The following SRFBP1 variants were observed in gnomAD, a reference collection of about 807,000 sequenced individuals.
SRFBP1 encodes serum response factor binding protein 1, also known as serum response factor-binding protein 1.
SRFBP1 carries 47 observed loss-of-function variants against 45.5 expected under a neutral mutation model. The observed-to-expected ratio is 1.03, with a 90% CI of 0.82 to 1.32. The LOEUF (loss-of-function observed/expected upper bound fraction) is 1.32, where lower values mean the gene tolerates loss of function less well. Ranked by LOEUF, SRFBP1 falls within the 40% of genes most tolerant of loss-of-function variation. The probability of loss-of-function intolerance (pLI) is 0.00; values close to 1 mark genes in which losing one functional copy is unlikely to be tolerated. For synonymous variants in SRFBP1, 203 were observed against 166.3 expected, an observed-to-expected ratio of 1.22 and a Z score of -1.70; for missense variants, 621 against 484.6, an observed-to-expected ratio of 1.28 and a Z score of -2.64.
intron 3 of SRFBP1, among the ~76,000 whole-genome samples, chr5:121,981,928 C>A (rs780736622): frequency 6.6e-6 from 1 of 151,780 alleles, no homozygotes; most frequent in African/African-American, 2.4e-5. Flanking sequence ...ACATAGTGAA[C>A]GCTGCTTGGC....
intron 2 of SRFBP1, among the ~76,000 whole-genome samples, chr5:122,040,262 G>A (rs1205688581): frequency 1.3e-5 from 2 of 152,014 alleles, no homozygotes; most frequent in African/African-American, 4.8e-5. Context: ...TGTGAATTGG[G>A]CCTATACTAT....
chr5:122,019,147 G>A, intron 4 of SRFBP1, 113 bp from the exon 5 acceptor site: 8 of 857,054 alleles, frequency 9.3e-6, no homozygotes, highest in Non-Finnish European at 1.3e-5. Flanking sequence ...ATATTAACTA[G>A]TTCTATTCTC....
chr5:121,966,821 C>G (rs1021465018), intron 1 of SRFBP1, among the ~76,000 whole-genome samples: 13 of 151,250 alleles, frequency 8.6e-5, no homozygotes, highest in African/African-American at 3.2e-4. Context: ...GCTCTGTCGC[C>G]CAGGCTGGAG....
intron 3 of SRFBP1, among the ~76,000 whole-genome samples, chr5:121,992,747 A>G (rs1204265513): frequency 6.6e-6 from 1 of 152,024 alleles, no homozygotes; most frequent in Non-Finnish European, 1.5e-5. Flanking sequence ...CATGTTTTCC[A>G]CTTATTAGCC....
intron 2 of SRFBP1, among the ~76,000 whole-genome samples, chr5:122,047,328 G>C (rs961048430): frequency 5.3e-5 from 8 of 152,080 alleles, no homozygotes; most frequent in African/African-American, 1.9e-4. Flanking sequence ...GCTTGTTTTT[G>C]TCAGGTTTGT....
intron 4 of SRFBP1, among the ~76,000 whole-genome samples, chr5:122,008,989 C>T (rs1355752424): frequency 1.3e-5 from 2 of 152,268 alleles, no homozygotes; most frequent in East Asian, 3.9e-4. Flanking sequence ...TAGTATCACA[C>T]ATACGTTCAA....
At chr5:121,996,234 C>G (rs1248281866) in intron 4 of SRFBP1, among the ~76,000 whole-genome samples, 1 of 137,878 alleles carries the variant, frequency 7.3e-6, no homozygotes, top group Non-Finnish European at 1.5e-5. Context: ...AGACCAATAT[C>G]CTTGATGAAC....
Position 122,051,168 on chromosome 5 carries a change from T to C in SRFBP1, n.312-24147T>C, listed in dbSNP as rs182795613. On this transcript the variant is annotated intron_variant and non_coding_transcript_variant, in intron 2 of 2. Transcript: ENST00000504881. ...AATTTGCTGAGTATTGTGTTTTATG[T>C]TTGATTGTATGGTTGATTTCAGAAT... 3.9e-5 allele frequency among the ~76,000 whole-genome samples: 6 copies of C among 152,236 alleles called. No homozygotes were observed. The East Asian group carries it at 1.2e-3, about 29-fold the overall frequency.
intron 1 of SRFBP1, among the ~76,000 whole-genome samples, chr5:121,962,358 A>T (rs1366002622): frequency 6.6e-6 from 1 of 152,190 alleles, no homozygotes; most frequent in Non-Finnish European, 1.5e-5. Flanking sequence ...GGAACTCAAG[A>T]TAGTTCGTCC....
In SRFBP1 at chr5:122,020,095, A is replaced by G; in HGVS notation, c.360A>G (p.Val120=). The change falls in exon 6 of 8, where the codon GTA becomes GTG. Residue 120 remains valine, a synonymous_variant. Transcript: ENST00000339397. The part of the protein sequence containing the change: ...KKKIDVLKAA[V]QAFKEARQNV... ...GCACTGTTTCTCTTGCAGCTGCTGT[A>G]CAAGCCTTTAAAGAAGCAAGACAAA... The G allele has an allele frequency of 2.6e-6, 4 of 1,559,762 alleles. No individual in the cohort carries two copies. The highest frequency in any genetic ancestry group is 2.6e-6 in the Non-Finnish European group (3 of 1,157,036).
intron 4 of SRFBP1, among the ~76,000 whole-genome samples, chr5:122,015,728 A>G (rs1464636794): frequency 6.6e-6 from 1 of 152,248 alleles, no homozygotes; most frequent in Non-Finnish European, 1.5e-5. Context: ...TTTTTTTATA[A>G]AAGTGGCAGT....
At chr5:122,070,425 T>C (rs1754415826) in intron 2 of SRFBP1, 4 of 838,630 alleles carry the variant, frequency 4.8e-6, no homozygotes, top group African/African-American at 3.4e-5. Context: ...TTATTTAACA[T>C]TTGAATCCAG....
At chr5:122,043,448 T>A (rs1367934002) in intron 2 of SRFBP1, among the ~76,000 whole-genome samples, 1 of 152,118 alleles carries the variant, frequency 6.6e-6, no homozygotes, top group East Asian at 1.9e-4. Context: ...ACTCCTCACC[T>A]CAAGTGATCC....
At chr5:122,029,804 A>G (rs564005373), downstream of SRFBP1, among the ~76,000 whole-genome samples, 87 of 152,326 alleles carry the variant, frequency 5.7e-4, no homozygotes, top group Admixed American at 1.0e-3. Context: ...GTTGTTTAAT[A>G]TAGAAGGGCA....
downstream of SRFBP1, chr5:122,077,833 G>T (rs761847558): frequency 1.3e-5 from 20 of 1,552,420 alleles, no homozygotes; most frequent in Admixed American, 5.8e-5. This position sits in a 1 kb window ranked among gnomAD's most constrained non-coding sequence, Gnocchi z 4.9. Flanking sequence ...ACACCTGCCC[G>T]TTGTTCTCCC....
chr5:122,017,016 G>A (rs977065795), intron 4 of SRFBP1, among the ~76,000 whole-genome samples: 1 of 152,120 alleles, frequency 6.6e-6, no homozygotes, highest in Admixed American at 6.5e-5. Flanking sequence ...GGATCACAAG[G>A]TCAGGAGTTC....
chr5:121,979,119 GGCATAAAAGTTAA>G (rs1752359014), intron 3 of SRFBP1, among the ~76,000 whole-genome samples: 1 of 152,018 alleles, frequency 6.6e-6, no homozygotes, highest in Admixed American at 6.6e-5. Context: ...AATCTGTAAA[GGCATAAAAGTTAA>G]GTAAAATGAT....
At chr5:122,049,633 A>C (rs553363412) in intron 2 of SRFBP1, among the ~76,000 whole-genome samples, 3 of 152,130 alleles carry the variant, frequency 2.0e-5, no homozygotes, top group East Asian at 1.9e-4. Flanking sequence ...GAAGTAAAGC[A>C]CTCCCCAGCA....
At chr5:121,973,614 G>GT (rs1412477639) in intron 1 of SRFBP1, among the ~76,000 whole-genome samples, 1 of 142,628 alleles carries the variant, frequency 7.0e-6, no homozygotes, top group East Asian at 2.3e-4. Flanking sequence ...GCATGTGTGT[G>GT]TGGGGGGGGG....
Sources: allele counts gnomAD v4.1 joint callset (sites outside exome capture counted in the v4.1 genomes callset), GRCh38; gene constraint gnomAD v4.1.1; non-coding constraint Gnocchi (gnomAD v3.1); transcripts MANE v1.5; gene names NCBI Gene and HGNC (gene_info 2026-07-23, HGNC 2026-07-21).